Variants in ABHD2 observed in about 807,000 individuals in gnomAD.
ABHD2 encodes the protein monoacylglycerol lipase ABHD2.
In ABHD2, 20 loss-of-function variants were observed where a neutral mutation model predicts 48.1. The ratio of observed to expected loss-of-function variants is 0.42; its 90% CI spans 0.29 to 0.60. The LOEUF (loss-of-function observed/expected upper bound fraction) is 0.60. Among genes scored for constraint, ABHD2 ranks in the 20% least tolerant of loss-of-function variants. The pLI, the probability that ABHD2 is intolerant of heterozygous loss-of-function variation, is 0.24. For missense variants in ABHD2, 405 were observed against 550.9 expected, an observed-to-expected ratio of 0.74 and a Z score of 2.65; for synonymous variants, 209 against 214.2, an observed-to-expected ratio of 0.98 and a Z score of 0.21.
At chr15:89,141,146 A>G (rs1239991420) in intron 3 of ABHD2, among the ~76,000 whole-genome samples, 1 of 150,920 alleles carries the variant, frequency 6.6e-6, no homozygotes, top group Non-Finnish European at 1.5e-5. Context: ...TTAATTAATT[A>G]ATTAATTAAT....
chr15:89,070,939 A>C, the ABHD2 span, among the ~76,000 whole-genome samples: 1 of 149,302 alleles, frequency 6.7e-6, no homozygotes, highest in African/African-American at 2.5e-5. Context: ...TTCCTTTTCT[A>C]TTTTCCTCCT....
the ABHD2 span, among the ~76,000 whole-genome samples, chr15:89,077,622 C>T: frequency 6.6e-6 from 1 of 152,154 alleles, no homozygotes; most frequent in Non-Finnish European, 1.5e-5. Flanking sequence ...CATATTCACC[C>T]TGTGGAGTTA....
At chr15:89,170,977 G>T (rs7165616) in intron 5 of ABHD2, among the ~76,000 whole-genome samples, 1 of 151,976 alleles carries the variant, frequency 6.6e-6, no homozygotes, top group African/African-American at 2.4e-5. Context: ...TTAGCCCGGC[G>T]TGGTGGTGGG....
Position 89,197,237 on chromosome 15 carries a change from CTG to C in ABHD2, c.*1815_*1816del, listed in dbSNP as rs959464181. The stretch of plus-strand genomic sequence containing the variant: ...TCAAAAGCAGCCCTTATCTCAGAGA[CTG>C]AGATTTCTGTGGTCTCAACTTCGCT... On this transcript the variant is annotated 3_prime_UTR_variant, in exon 11 of 11. Transcript: ENST00000352732. The surrounding 1 kb of genome is among the most constrained non-coding windows in gnomAD (Gnocchi z 4.4). 28 of 152,672 alleles carry C rather than the reference CTG, an allele frequency of 1.8e-4. No homozygotes were observed. The highest frequency in any genetic ancestry group is 1.2e-3 in the Admixed American group (18 of 15,286). The allele number at this position is 152,672 out of a possible 1,614,324, so 9.5% of individuals were successfully genotyped here.
chr15:89,158,570 G>A (rs573269343), intron 5 of ABHD2, among the ~76,000 whole-genome samples: 1 of 152,322 alleles, frequency 6.6e-6, no homozygotes, highest in East Asian at 1.9e-4. Flanking sequence ...TGTGTGGCTC[G>A]AGCAGTTTCT....
the ABHD2 span, among the ~76,000 whole-genome samples, chr15:89,069,110 T>C: frequency 7.4e-6 from 1 of 134,918 alleles, no homozygotes; most frequent in South Asian, 2.4e-4. Context: ...TTTTTTTCTT[T>C]TCTTTTCTTT....
chr15:89,192,797 C>T (rs1011621479), intron 9 of ABHD2, among the ~76,000 whole-genome samples: 1 of 152,230 alleles, frequency 6.6e-6, no homozygotes, highest in African/African-American at 2.4e-5. Context: ...AGTCCTCCCA[C>T]CTTGGCCTCC....
chr15:89,149,007 A>G (rs1351152431), intron 3 of ABHD2, among the ~76,000 whole-genome samples: 1 of 152,178 alleles, frequency 6.6e-6, no homozygotes, highest in Admixed American at 6.5e-5. Flanking sequence ...TAAACAAACA[A>G]CTACACATTG....
At chr15:89,069,122 C>CTTT in the ABHD2 span, among the ~76,000 whole-genome samples, 204 of 124,896 alleles carry the variant, frequency 1.6e-3, 2 homozygotes, top group African/African-American at 5.5e-3. Flanking sequence ...CTTTTCTTTT[C>CTTT]TTTTTTTTTT....
chr15:89,180,890 A>T (rs946129784), intron 6 of ABHD2, among the ~76,000 whole-genome samples: 2 of 152,228 alleles, frequency 1.3e-5, no homozygotes, highest in Non-Finnish European at 2.9e-5. Flanking sequence ...CTTTTATTTT[A>T]AAAAATCAAG....
rs1427413197 is a variant in ABHD2 at position 89,100,565 on chromosome 15, A to C, written c.-107+12002A>C. On this transcript the variant is annotated intron_variant, in intron 1 of 10. Coordinates refer to ENST00000352732, the MANE Select transcript of ABHD2 (RefSeq NM_152924.5). The surrounding 1 kb of genome is among the most constrained non-coding windows in gnomAD (Gnocchi z 4.4). ...GTAGAAATATTTTTCCATTCTCCTT[A>C]GATGTTAAAAAGGAACCTTATTGGC... Among the ~76,000 whole-genome samples the C allele has an allele frequency of 4.6e-5, 7 of 152,158 alleles. No individual in the cohort carries two copies. Among genetic ancestry groups the C allele is most frequent in the Admixed American group, 2.6e-4 (4 of 15,280 alleles).
the ABHD2 span, among the ~76,000 whole-genome samples, chr15:89,062,146 G>A: frequency 6.6e-6 from 1 of 152,144 alleles, no homozygotes; most frequent in Non-Finnish European, 1.5e-5. Context: ...CAGATGGAAA[G>A]AAATCTTTTG....
intron 3 of ABHD2, among the ~76,000 whole-genome samples, chr15:89,119,849 G>A (rs1472118685): frequency 1.3e-5 from 2 of 152,178 alleles, no homozygotes; most frequent in Non-Finnish European, 2.9e-5. Flanking sequence ...TGAAAGCTAA[G>A]GGCAGGAAAC....
chr15:89,078,737 C>CTT, the ABHD2 span, among the ~76,000 whole-genome samples: 1 of 116,120 alleles, frequency 8.6e-6, no homozygotes, highest in Admixed American at 8.7e-5. Context: ...TTTTTTTTTT[C>CTT]TTTTTTTTTT....
Position 89,151,585 on chromosome 15 carries a change from C to G in ABHD2, c.195-92C>G. On this transcript the variant is annotated intron_variant, in intron 3 of 10. Transcript: ENST00000352732. The surrounding 1 kb of genome is among the most constrained non-coding windows in gnomAD (Gnocchi z 4.7). ...CTTTGTGTGCAGAATTTCCCTGGAACAAAAATAGGTTGAAAGAGTTTTGCT... is the reference window on the plus strand; with the variant it reads ...CTTTGTGTGCAGAATTTCCCTGGAAGAAAAATAGGTTGAAAGAGTTTTGCT... 1 of 1,428,004 alleles carries G rather than the reference C, an allele frequency of 7.0e-7. No homozygotes were observed. The highest frequency in any genetic ancestry group is 9.5e-7 in the Non-Finnish European group (1 of 1,049,750). 88.5% of individuals were successfully genotyped at this position (1,428,004 alleles called of 1,614,324 possible). A position where few individuals can be genotyped will look rare whatever the true frequency, so the allele number is the denominator to read the frequency against.
intron 3 of ABHD2, among the ~76,000 whole-genome samples, chr15:89,117,150 GGAGTAGCT>G (rs1259737962): frequency 2.6e-5 from 4 of 152,132 alleles, no homozygotes; most frequent in Non-Finnish European, 5.9e-5. Flanking sequence ...CTCAGCCTCT[GGAGTAGCT>G]GGAATTACAG....
chr15:89,102,669 C>T lies in ABHD2; in HGVS notation c.-106-11056C>T, dbSNP rs2049719473. On this transcript the variant is annotated intron_variant, in intron 1 of 10. Coordinates refer to ENST00000352732, the MANE Select transcript of ABHD2 (RefSeq NM_152924.5). The surrounding 1 kb of genome is among the most constrained non-coding windows in gnomAD (Gnocchi z 4.8). ...CCTTGATGGCCAGTTCCTTGCCTCC[C>T]AGGAAACTGATGAGGAGGCAAGACG... The T allele has an allele frequency of 6.6e-6, 1 of 152,226 alleles. No individual in the cohort carries two copies. The highest frequency in any genetic ancestry group is 1.5e-5 in the Non-Finnish European group (1 of 68,044). The allele number at this position is 152,226 out of a possible 1,614,324, so 9.4% of individuals were successfully genotyped here. A position where few individuals can be genotyped will look rare whatever the true frequency, so the allele number is the denominator to read the frequency against.
chr15:89,126,282 G>A (rs1196072300), intron 3 of ABHD2, among the ~76,000 whole-genome samples: 5 of 152,222 alleles, frequency 3.3e-5, no homozygotes, highest in African/African-American at 1.2e-4. Flanking sequence ...TCCCAGACTC[G>A]ATTTCAGAAT....
rs542129874 is a variant in ABHD2 at position 89,188,817 on chromosome 15, T to C, written c.926+514T>C. Reference sequence around the variant, plus strand: ...TCGCTTGAGCCCAGGAGGTTGAAGCTGCAGTGAGCCATGTTCATGCCATTG... The same window carrying C: ...TCGCTTGAGCCCAGGAGGTTGAAGCCGCAGTGAGCCATGTTCATGCCATTG... On this transcript the variant is annotated intron_variant, in intron 8 of 10. Coordinates refer to ENST00000352732, the MANE Select transcript of ABHD2 (RefSeq NM_152924.5). The surrounding 1 kb of genome is among the most constrained non-coding windows in gnomAD (Gnocchi z 4.1). 3.3e-5 allele frequency among the ~76,000 whole-genome samples: 5 copies of C among 151,062 alleles called. No individual in the cohort carries two copies. Among genetic ancestry groups the C allele is most frequent in the African/African-American group, 1.2e-4 (5 of 41,046 alleles).
Sources: allele counts gnomAD v4.1 joint callset (sites outside exome capture counted in the v4.1 genomes callset), GRCh38; gene constraint gnomAD v4.1.1; non-coding constraint Gnocchi (gnomAD v3.1); transcripts MANE v1.5; gene names NCBI Gene and HGNC (gene_info 2026-07-23, HGNC 2026-07-21).